The following DDAH1 variants were observed in gnomAD, a reference collection of about 807,000 sequenced individuals.
The protein encoded by DDAH1 is N(G),N(G)-dimethylarginine dimethylaminohydrolase 1.
DDAH1 carries 19 observed loss-of-function variants against 28.8 expected under a neutral mutation model. The observed-to-expected ratio is 0.66, with a 90% CI of 0.46 to 0.97. The LOEUF is 0.97. DDAH1 is among the 50% of genes least tolerant of loss of function. The pLI is 0.00. For synonymous variants in DDAH1, 153 were observed against 154.4 expected (o/e 0.99, Z 0.07); for missense variants, 326 against 375.9 (o/e 0.87, Z 1.10).
At chr1:85,489,946 T>C (rs1270766028) in intron 2 of DDAH1, among the ~76,000 whole-genome samples, 1 of 152,204 alleles carries the variant, frequency 6.6e-6, no homozygotes, top group Admixed American at 6.5e-5. Context: ...ATTATGATAT[T>C]ATTCCATATT....
At chr1:85,467,330 C>T (rs990154008), upstream of DDAH1, 1 of 152,156 alleles carries the variant, frequency 6.6e-6, no homozygotes, top group Non-Finnish European at 1.5e-5. Context: ...CACTCAGTGC[C>T]CTGAGTCTAA....
intron 1 of DDAH1, among the ~76,000 whole-genome samples, chr1:85,564,245 A>G (rs72944626): frequency 0.059 from 8,960 of 152,200 alleles, 846 homozygotes; most frequent in African/African-American, 0.2. Flanking sequence ...AATGTGATTA[A>G]CAGCAGATTA....
At position 85,439,705 on chromosome 1, in the gene DDAH1, A is replaced by G. The variant is rs509361; in HGVS notation, c.303+25038T>C. Among the ~76,000 whole-genome samples, 683 of 152,348 alleles carry G rather than the reference A, an allele frequency of 4.5e-3. 5 individuals carry two copies. Among genetic ancestry groups the G allele is most frequent in the Non-Finnish European group, 5.2e-3 (351 of 68,028 alleles). On this transcript the variant is annotated intron_variant, in intron 1 of 5. Transcript: ENST00000284031. ...TTCAGCTAACACTTATTGTGTGTCTATTAGGACCCAGGCACAATCAGCTGG... is the reference window on the plus strand; with the variant it reads ...TTCAGCTAACACTTATTGTGTGTCTGTTAGGACCCAGGCACAATCAGCTGG...
intron 1 of DDAH1, among the ~76,000 whole-genome samples, chr1:85,424,813 TA>T (rs1298846859): frequency 6.6e-6 from 1 of 152,004 alleles, no homozygotes; most frequent in Non-Finnish European, 1.5e-5. Flanking sequence ...TCTATAATCA[TA>T]AAAAAGTTAT....
At chr1:85,561,592 G>A (rs1263681318) in intron 1 of DDAH1, among the ~76,000 whole-genome samples, 1 of 152,050 alleles carries the variant, frequency 6.6e-6, no homozygotes, top group African/African-American at 2.4e-5. Flanking sequence ...AGAATCTAGT[G>A]TATTATATTG....
At chr1:85,361,148 T>C (rs578235040) in intron 1 of DDAH1, among the ~76,000 whole-genome samples, 134 of 152,340 alleles carry the variant, frequency 8.8e-4, no homozygotes, top group African/African-American at 3.1e-3. Flanking sequence ...AGGCTGTCCA[T>C]TGGGAACCAC....
intron 2 of DDAH1, among the ~76,000 whole-genome samples, chr1:85,481,433 C>T (rs1273455688): frequency 6.6e-6 from 1 of 151,930 alleles, no homozygotes; most frequent in Non-Finnish European, 1.5e-5. Context: ...TATGTCTAGT[C>T]CAAATTAAAA....
chr1:85,570,364 T>TCACACACA (rs35259175), intron 1 of DDAH1, among the ~76,000 whole-genome samples: 20,262 of 145,404 alleles, frequency 0.14, 1,462 homozygotes, highest in Middle Eastern at 0.23. Context: ...ACACACACTG[T>TCACACACA]CACACACACA....
At chr1:85,519,195 G>A (rs1416512902) in intron 1 of DDAH1, among the ~76,000 whole-genome samples, 2 of 143,502 alleles carry the variant, frequency 1.4e-5, no homozygotes, top group African/African-American at 5.2e-5. Context: ...CCGGGTTCAT[G>A]CCATTCTCCT....
chr1:85,512,323 TA>T (rs954194882), intron 1 of DDAH1, among the ~76,000 whole-genome samples: 1 of 152,148 alleles, frequency 6.6e-6, no homozygotes, highest in African/African-American at 2.4e-5. Flanking sequence ...AAACTCTCAA[TA>T]AACTAGGCAT....
chr1:85,531,214 G>A (rs1332825290), intron 1 of DDAH1, among the ~76,000 whole-genome samples: 5 of 152,054 alleles, frequency 3.3e-5, no homozygotes, highest in African/African-American at 1.2e-4. Context: ...TGATCCAAGT[G>A]CCTCTACCCC....
chr1:85,537,061 C>A (rs1280962577), intron 1 of DDAH1, among the ~76,000 whole-genome samples: 25 of 149,270 alleles, frequency 1.7e-4, no homozygotes, highest in African/African-American at 5.4e-4. Context: ...GCAAGAATAG[C>A]CGAGTGCAGT....
At chr1:85,441,029 G>C (rs774112003) in intron 1 of DDAH1, among the ~76,000 whole-genome samples, 3 of 152,234 alleles carry the variant, frequency 2.0e-5, no homozygotes, top group African/African-American at 7.2e-5. Context: ...AAATAAAGTG[G>C]CATGTCAGCC....
At chr1:85,377,275 T>C (rs949257323) in intron 1 of DDAH1, among the ~76,000 whole-genome samples, 4 of 152,172 alleles carry the variant, frequency 2.6e-5, no homozygotes, top group Non-Finnish European at 5.9e-5. Context: ...AGACTATGAA[T>C]AGAAAGCTGT....
At chr1:85,324,468 G>A (rs1240228068) in intron 5 of DDAH1, among the ~76,000 whole-genome samples, 1 of 151,970 alleles carries the variant, frequency 6.6e-6, no homozygotes, top group East Asian at 1.9e-4. Flanking sequence ...CATAGACTTG[G>A]GTGACTACTT....
intron 1 of DDAH1, among the ~76,000 whole-genome samples, chr1:85,453,350 T>C (rs1174341081): frequency 3.3e-5 from 5 of 152,150 alleles, no homozygotes; most frequent in African/African-American, 1.2e-4. Flanking sequence ...ACATGACAAC[T>C]GCACTCCCCA....
chr1:85,574,957 G>C (rs552259669), intron 1 of DDAH1, among the ~76,000 whole-genome samples: 2 of 151,990 alleles, frequency 1.3e-5, no homozygotes, highest in East Asian at 3.9e-4. Flanking sequence ...AACAGACGGG[G>C]AGCCTGGTGC....
intron 1 of DDAH1, among the ~76,000 whole-genome samples, chr1:85,409,596 ATC>A (rs945221617): frequency 6.6e-6 from 1 of 151,912 alleles, no homozygotes; most frequent in African/African-American, 2.4e-5. Context: ...TTCCACCTGG[ATC>A]TCCTGCTTGT....
chr1:85,357,961 C>T (rs1475297422), intron 2 of DDAH1, among the ~76,000 whole-genome samples: 1 of 152,168 alleles, frequency 6.6e-6, no homozygotes, highest in East Asian at 1.9e-4. Context: ...TTGAGTTCTG[C>T]TATTATCCAT....
Sources: gnomAD v4.1 joint callset for allele counts (sites outside exome capture counted in the v4.1 genomes callset) on GRCh38, gnomAD v4.1.1 for gene constraint, MANE v1.5 for transcripts, NCBI Gene and HGNC (gene_info 2026-07-23, HGNC 2026-07-21) for gene names.